HTR2C: variants seen among roughly 807,000 people sequenced by gnomAD.
The protein encoded by HTR2C is 5-hydroxytryptamine receptor 2C, also known as 5-hydroxytryptamine (serotonin) receptor 2C, G protein-coupled.
HTR2C carries 5 observed loss-of-function variants against 21.0 expected under a neutral mutation model. The ratio of observed to expected loss-of-function variants is 0.24; its 90% CI spans 0.12 to 0.50. HTR2C has a LOEUF of 0.50. Among genes scored for constraint, HTR2C ranks in the 20% least tolerant of loss-of-function variants. HTR2C has a pLI of 0.98. For synonymous variants in HTR2C, 150 were observed against 145.3 expected, an observed-to-expected ratio of 1.03 and a Z score of -0.23; for missense variants, 271 against 371.2, an observed-to-expected ratio of 0.73 and a Z score of 2.22.
At chrX:114,832,601 T>G (rs181957836) in intron 4 of HTR2C, among the ~76,000 whole-genome samples, 768 of 34,047 alleles carry the variant, frequency 0.023, 207 homozygotes, top group African/African-American at 0.044. Flanking sequence ...GATTTTGGGC[T>G]GAGACAATGG....
chrX:114,766,847 T>C (rs1365818947), intron 4 of HTR2C, among the ~76,000 whole-genome samples: 1 of 111,689 alleles, frequency 9.0e-6, no homozygotes, highest in Non-Finnish European at 1.9e-5. Flanking sequence ...ATTCAAAATG[T>C]AGTAAAGACA....
At chrX:114,828,856 C>G (rs1477393984) in intron 4 of HTR2C, among the ~76,000 whole-genome samples, 16 of 112,171 alleles carry the variant, frequency 1.4e-4, no homozygotes. Context: ...GCTTCTTTCA[C>G]TTAGCATGAT....
At chrX:114,750,088 C>T (rs2069747625) in intron 4 of HTR2C, among the ~76,000 whole-genome samples, 1 of 111,658 alleles carries the variant, frequency 9.0e-6, no homozygotes, top group East Asian at 2.8e-4. Context: ...GTTGACGCAT[C>T]TGTGTGTAAG....
At chrX:114,792,689 G>A (rs1191506941) in intron 4 of HTR2C, among the ~76,000 whole-genome samples, 1 of 111,659 alleles carries the variant, frequency 9.0e-6, no homozygotes, top group East Asian at 2.8e-4. Flanking sequence ...TTGAGGAATT[G>A]CCACACTATC....
intron 5 of HTR2C, among the ~76,000 whole-genome samples, chrX:114,901,313 T>C (rs1210055749): frequency 8.9e-6 from 1 of 112,068 alleles, no homozygotes; most frequent in Non-Finnish European, 1.9e-5. Flanking sequence ...TAAAATAACT[T>C]CATCAACTAA....
intron 4 of HTR2C, among the ~76,000 whole-genome samples, chrX:114,764,917 TTCTTTCTTTTCCTTCCTTCC>T (rs1207433154): frequency 0.12 from 7,525 of 63,115 alleles, 393 homozygotes; most frequent in South Asian, 0.19. Context: ...CTTTCTTTCT[TTCTTTCTTTTCCTTCCTTCC>T]TTCCTTCCTT....
chrX:114,850,819 G>A (rs191218626), intron 5 of HTR2C, among the ~76,000 whole-genome samples: 2 of 110,966 alleles, frequency 1.8e-5, no homozygotes, highest in Admixed American at 1.9e-4. Flanking sequence ...TGTCATATAG[G>A]CTTTCAAAAA....
chrX:114,758,406 A>C (rs782658452), intron 4 of HTR2C, among the ~76,000 whole-genome samples: 19 of 109,281 alleles, frequency 1.7e-4, no homozygotes, highest in Non-Finnish European at 2.5e-4. Context: ...TACAAAAAAA[A>C]CCAAAAAAAT....
At chrX:114,683,260 T>C (rs1556413749) in intron 2 of HTR2C, among the ~76,000 whole-genome samples, 1 of 112,104 alleles carries the variant, frequency 8.9e-6, no homozygotes. Context: ...AGATTGAGGA[T>C]AGACATAACT....
chrX:114,603,504 G>A (rs1221759442), intron 1 of HTR2C, among the ~76,000 whole-genome samples: 1 of 106,151 alleles, frequency 9.4e-6, no homozygotes, highest in Admixed American at 1.0e-4. Flanking sequence ...GCCTAGGAAG[G>A]AAAGGAGTTG....
chrX:114,723,822 G>A (rs1311907588), intron 2 of HTR2C, among the ~76,000 whole-genome samples: 7 of 105,509 alleles, frequency 6.6e-5, no homozygotes, highest in Admixed American at 5.2e-4. Context: ...GTAGTTGAGC[G>A]GTTTTGAGTG....
At chrX:114,687,718 A>G (rs1369456199) in intron 2 of HTR2C, among the ~76,000 whole-genome samples, 2 of 111,770 alleles carry the variant, frequency 1.8e-5, no homozygotes, top group Non-Finnish European at 3.8e-5. Context: ...TAGGTAATTC[A>G]TAGATAAATG....
intron 4 of HTR2C, among the ~76,000 whole-genome samples, chrX:114,741,878 C>T (rs1556425382): frequency 9.1e-6 from 1 of 110,022 alleles, no homozygotes; most frequent in Non-Finnish European, 1.9e-5. Context: ...GAATGAGGTT[C>T]CCTTTTTTTT....
chrX:114,681,382 TTGCTGTA>T (rs1329396559), intron 2 of HTR2C, among the ~76,000 whole-genome samples: 22 of 111,017 alleles, frequency 2.0e-4, no homozygotes, highest in Non-Finnish European at 4.0e-4. Flanking sequence ...GTACTTTTAC[TTGCTGTA>T]TTTTATATGT....
At chrX:114,836,046 G>A (rs1449726405) in intron 4 of HTR2C, among the ~76,000 whole-genome samples, 4 of 108,026 alleles carry the variant, frequency 3.7e-5, no homozygotes, top group Non-Finnish European at 7.7e-5. Flanking sequence ...ACCCACTTGA[G>A]GAGGCAGTCT....
rs72620916 is a variant in HTR2C, at chrX:114,770,517, C to T, written c.349+38910C>T. ...AGCCTATCTAATGAATTTACCATTTCAGTTATTGTACTTTTCAACTTCGGA... is the reference window on the plus strand; with the variant it reads ...AGCCTATCTAATGAATTTACCATTTTAGTTATTGTACTTTTCAACTTCGGA... On this transcript the variant is annotated intron_variant, in intron 4 of 5. Transcript: ENST00000276198. 5.1e-4 allele frequency among the ~76,000 whole-genome samples: 57 copies of T among 111,638 alleles called. No homozygotes were observed. The East Asian group carries it at 0.016, about 31-fold the overall frequency.
chrX:114,807,962 C>T (rs1222742084), intron 4 of HTR2C, among the ~76,000 whole-genome samples: 2 of 111,376 alleles, frequency 1.8e-5, no homozygotes, highest in East Asian at 2.8e-4. Flanking sequence ...TGAGCCACCG[C>T]GCCCGCCCCA....
chrX:114,703,541 T>C (rs1556417370), intron 2 of HTR2C, among the ~76,000 whole-genome samples: 1 of 111,418 alleles, frequency 9.0e-6, no homozygotes, highest in Admixed American at 9.6e-5. Flanking sequence ...TACCAGAATC[T>C]CTGGGACGCT....
intron 4 of HTR2C, among the ~76,000 whole-genome samples, chrX:114,773,538 A>G (rs782677738): frequency 1.6e-3 from 184 of 112,451 alleles, no homozygotes; most frequent in African/African-American, 5.6e-3. Context: ...GATACCATGG[A>G]ATCATACCTT....
Sources: gnomAD v4.1 joint callset for allele counts (sites outside exome capture counted in the v4.1 genomes callset) on GRCh38, gnomAD v4.1.1 for gene constraint, MANE v1.5 for transcripts, NCBI Gene and HGNC (gene_info 2026-07-23, HGNC 2026-07-21) for gene names.